Variants in ZGPAT observed in about 807,000 individuals in gnomAD.
ZGPAT encodes zinc finger CCCH-type and G-patch domain containing.
A neutral mutation model predicts 47.9 loss-of-function variants in ZGPAT; 39 were observed. The observed-to-expected ratio is 0.81, with a 90% CI of 0.63 to 1.06. The LOEUF is 1.06. Among genes scored for constraint, ZGPAT ranks in the 50% least tolerant of loss-of-function variants. ZGPAT has a pLI of 0.00. For missense variants in ZGPAT, 717 were observed against 681.4 expected (o/e 1.05, Z -0.58); for synonymous variants, 348 against 292.9 (o/e 1.19, Z -1.92).
At chr20:63,731,497 A>G (rs1383814535) in intron 2 of ZGPAT, among the ~76,000 whole-genome samples, 1 of 101,738 alleles carries the variant, frequency 9.8e-6, no homozygotes, top group Admixed American at 1.0e-4. Context: ...TAAAGTGTAC[A>G]ATTGGCCCTT....
At chr20:63,730,020 G>GACACACACA (rs1568796806) in intron 2 of ZGPAT, 9 of 151,340 alleles carry the variant, frequency 5.9e-5, no homozygotes, top group African/African-American at 2.2e-4. Context: ...ACTCTACTGC[G>GACACACACA]CACACACACA....
intron 2 of ZGPAT, among the ~76,000 whole-genome samples, chr20:63,725,520 T>C (rs1395240809): frequency 1.3e-5 from 2 of 152,240 alleles, no homozygotes; most frequent in Non-Finnish European, 2.9e-5. Flanking sequence ...TTTCTCTTGA[T>C]GTTTTCAAGA....
intron 2 of ZGPAT, among the ~76,000 whole-genome samples, chr20:63,712,711 C>T (rs13043839): frequency 2.0e-5 from 3 of 152,096 alleles, no homozygotes; most frequent in African/African-American, 4.8e-5. Flanking sequence ...GCCTGGCCAA[C>T]GTGGTGAAAC....
At chr20:63,713,526 C>A (rs966648807) in intron 2 of ZGPAT, among the ~76,000 whole-genome samples, 1 of 151,076 alleles carries the variant, frequency 6.6e-6, no homozygotes. Context: ...CCACTGTGCC[C>A]GGCTGGAGTT....
At position 63,733,731 on chromosome 20, in the gene ZGPAT, A is replaced by G. The variant is rs1265968613; in HGVS notation, c.863A>G (p.Tyr288Cys). 1.4e-5 allele frequency: 23 copies of G among 1,610,840 alleles called. No individual in the cohort carries two copies. Among genetic ancestry groups the G allele is most frequent in the Admixed American group, 5.0e-5 (3 of 59,856 alleles). The change falls in exon 4 of 7, where the codon TAT (tyrosine) becomes TGT (cysteine). Residue 288 changes from tyrosine to cysteine, a missense_variant. Physicochemically the swap from Tyr to Cys is radical, Grantham distance 194. Coordinates refer to ENST00000355969, the MANE Select transcript of ZGPAT (RefSeq NM_181485.3). Reference protein sequence around the residue: ...SDSDGTGDSSYARVVGSDAVD... With the variant: ...SDSDGTGDSSCARVVGSDAVD... ...AGCGACGGTACGGGTGACTCCAGCTATGCCAGAGGTATGGCAGCAGCTGCG... is the reference window on the plus strand; with the variant it reads ...AGCGACGGTACGGGTGACTCCAGCTGTGCCAGAGGTATGGCAGCAGCTGCG...
intron 2 of ZGPAT, among the ~76,000 whole-genome samples, chr20:63,724,043 G>A (rs1377937161): frequency 6.6e-6 from 1 of 152,092 alleles, no homozygotes; most frequent in Admixed American, 6.6e-5. Flanking sequence ...TTGTGCCACT[G>A]CACTCCAGCC....
chr20:63,725,434 T>C (rs1011450702), intron 2 of ZGPAT, among the ~76,000 whole-genome samples: 3 of 152,260 alleles, frequency 2.0e-5, no homozygotes, highest in Admixed American at 6.5e-5. Context: ...GTCATCATGC[T>C]ACCTTCTGGG....
chr20:63,720,144 A>T (rs2091772271), intron 2 of ZGPAT, among the ~76,000 whole-genome samples: 1 of 151,694 alleles, frequency 6.6e-6, no homozygotes, highest in Non-Finnish European at 1.5e-5. Context: ...CTTTATTTTT[A>T]AAAAATTTTT....
At position 63,708,870 on chromosome 20, in the gene ZGPAT, G is replaced by T. The variant is rs761874875; in HGVS notation, c.290G>T (p.Arg97Leu). 1.2e-6 allele frequency: 2 copies of T among 1,609,886 alleles called. No individual in the cohort carries two copies. Among genetic ancestry groups the T allele is most frequent in the East Asian group, 2.2e-5 (1 of 44,850 alleles). ...TEAVEAPAAA[R>L]GSGSETVPKA... ...GCGGTGGAGGCACCAGCAGCGGCCC[G>T]TGGGTCCGGATCAGAGACCGTTCCT... Residue 97 changes from arginine (R) to leucine (L), a missense_variant, in exon 2 of 7, where the codon CGT becomes CTT. Coordinates refer to ENST00000355969, the MANE Select transcript of ZGPAT (RefSeq NM_181485.3).
chr20:63,726,317 C>T (rs1336799536), intron 2 of ZGPAT, among the ~76,000 whole-genome samples: 1 of 148,738 alleles, frequency 6.7e-6, no homozygotes, highest in Non-Finnish European at 1.5e-5. Context: ...TCCTGCCTCA[C>T]CCTCCCAAGT....
intron 2 of ZGPAT, among the ~76,000 whole-genome samples, chr20:63,732,832 CTG>C (rs778997034): frequency 2.6e-4 from 38 of 147,834 alleles, no homozygotes; most frequent in Middle Eastern, 3.8e-3. Flanking sequence ...TTGTGTGTGC[CTG>C]TGTGAGTGCA....
chr20:63,733,793 G>A, intron 4 of ZGPAT, 54 bp downstream of exon 4: 4 of 1,564,836 alleles, frequency 2.6e-6, no homozygotes, highest in Non-Finnish European at 3.5e-6. Flanking sequence ...CACCCTGAGA[G>A]GCTCCTGGCC....
At chr20:63,734,156 G>A in intron 4 of ZGPAT, 1 of 280,406 alleles carries the variant, frequency 3.6e-6, no homozygotes, top group South Asian at 4.3e-5. Context: ...GGAAGTTTCG[G>A]GAATGGGAAC....
chr20:63,708,449 C>T, intron 1 of ZGPAT, 104 bp from the exon 2 acceptor site: 1 of 785,872 alleles, frequency 1.3e-6, no homozygotes, highest in African/African-American at 1.8e-5. Context: ...GCCTCTGAGC[C>T]GGTGTCTCCC....
Position 63,708,963 on chromosome 20 carries a change from A to C in ZGPAT, c.383A>C (p.Glu128Ala). Residue 128 changes from glutamate (E) to alanine (A), a missense_variant, in exon 2 of 7, where the codon GAG becomes GCG. Physicochemically the swap from Glu to Ala is moderately radical, Grantham distance 107. Coordinates refer to ENST00000355969, the MANE Select transcript of ZGPAT (RefSeq NM_181485.3). ...GAGGAAGAGGGAGAGGACGAGGAAG[A>C]GCTGAGTGGGACAAAGGTGAGCGCG... ...QEEEEGEDEE[E>A]LSGTKVSAPY... 1.2e-6 allele frequency: 2 copies of C among 1,613,430 alleles called. No individual in the cohort carries two copies. The highest frequency in any genetic ancestry group is 1.7e-6 in the Non-Finnish European group (2 of 1,180,012).
intron 2 of ZGPAT, among the ~76,000 whole-genome samples, chr20:63,726,347 C>T (rs979069032): frequency 2.0e-5 from 3 of 151,438 alleles, no homozygotes; most frequent in East Asian, 1.9e-4. Context: ...GATAGGCGCC[C>T]GCCACCACGC....
intron 2 of ZGPAT, among the ~76,000 whole-genome samples, chr20:63,721,890 G>A (rs1601329343): frequency 1.3e-5 from 2 of 151,958 alleles, no homozygotes; most frequent in African/African-American, 4.8e-5. Flanking sequence ...GTGGGTGCCT[G>A]TAATCTCAGC....
chr20:63,731,842 C>T (rs931138424), intron 2 of ZGPAT, among the ~76,000 whole-genome samples: 10 of 152,218 alleles, frequency 6.6e-5, no homozygotes, highest in African/African-American at 2.4e-4. Flanking sequence ...TGCGTCTGTA[C>T]ACTGTATAAC....
intron 2 of ZGPAT, among the ~76,000 whole-genome samples, chr20:63,732,427 A>ATG (rs1491547925): frequency 3.4e-5 from 1 of 29,758 alleles, no homozygotes; most frequent in Admixed American, 3.7e-4. Context: ...TGGGTGAGAG[A>ATG]TGTGTGCGCA....
Sources: gnomAD v4.1 joint callset for allele counts (sites outside exome capture counted in the v4.1 genomes callset) on GRCh38, gnomAD v4.1.1 for gene constraint, MANE v1.5 for transcripts, NCBI Gene and HGNC (gene_info 2026-07-23, HGNC 2026-07-21) for gene names.